DCLK1: variants seen among roughly 807,000 people sequenced by gnomAD.
The protein encoded by DCLK1 is serine/threonine-protein kinase DCLK1.
DCLK1 carries 16 observed loss-of-function variants against 86.2 expected under a neutral mutation model. That is an observed-to-expected ratio of 0.19 (90% CI 0.13 to 0.28). DCLK1 has a LOEUF of 0.28. Among genes scored for constraint, DCLK1 ranks in the 10% least tolerant of loss-of-function variants. The probability of loss-of-function intolerance (pLI) is 1.00; values close to 1 mark genes in which losing one functional copy is unlikely to be tolerated. For synonymous variants in DCLK1, 369 were observed against 370.5 expected, an observed-to-expected ratio of 1.00 and a Z score of 0.05; for missense variants, 590 against 940.2, an observed-to-expected ratio of 0.63 and a Z score of 4.87.
intron 3 of DCLK1, among the ~76,000 whole-genome samples, chr13:35,958,205 T>C: frequency 7.4e-5 from 3 of 40,468 alleles, no homozygotes; most frequent in African/African-American, 2.4e-4. Flanking sequence ...CCACCACCAT[T>C]ATAACCATCA....
chr13:36,069,789 A>G (rs561095255), intron 3 of DCLK1, among the ~76,000 whole-genome samples: 2 of 152,318 alleles, frequency 1.3e-5, no homozygotes, highest in African/African-American at 4.8e-5. Context: ...ATAGTACTCA[A>G]CTTGTTAGGT....
At chr13:36,104,217 A>G (rs1221781437) in intron 3 of DCLK1, among the ~76,000 whole-genome samples, 3 of 152,182 alleles carry the variant, frequency 2.0e-5, no homozygotes, top group Non-Finnish European at 4.4e-5. Context: ...ATGACCCGTA[A>G]GGACCTTGCT....
At chr13:35,855,968 G>A in intron 5 of DCLK1, 1 of 547,210 alleles carries the variant, frequency 1.8e-6, no homozygotes, top group Non-Finnish European at 2.3e-6. Context: ...ACACAATTCA[G>A]TGGCAAGGTA....
chr13:35,793,017 G>T (rs2086734527), intron 16 of DCLK1, among the ~76,000 whole-genome samples: 1 of 151,982 alleles, frequency 6.6e-6, no homozygotes, highest in Non-Finnish European at 1.5e-5. Flanking sequence ...TCCTTTCTAG[G>T]TCCTAGCAAA....
At chr13:35,939,130 C>T (rs1056736262) in intron 4 of DCLK1, among the ~76,000 whole-genome samples, 2 of 152,074 alleles carry the variant, frequency 1.3e-5, no homozygotes, top group Non-Finnish European at 2.9e-5. Context: ...TGATCGGGAA[C>T]GTCTCCAGAA....
intron 3 of DCLK1, among the ~76,000 whole-genome samples, chr13:36,108,885 A>G (rs900030642): frequency 1.3e-5 from 2 of 152,210 alleles, no homozygotes; most frequent in African/African-American, 4.8e-5. Context: ...AGGCAGGCCA[A>G]GATGGTAGCA....
intron 3 of DCLK1, among the ~76,000 whole-genome samples, chr13:36,111,433 C>A (rs1885615432): frequency 6.6e-6 from 1 of 152,152 alleles, no homozygotes; most frequent in African/African-American, 2.4e-5. Context: ...GTAAGTAAAT[C>A]TCACTAGCGA....
rs1231326471 is a variant in DCLK1, at chr13:35,840,944, G to A, written c.1036-1768C>T. Among the ~76,000 whole-genome samples the A allele has an allele frequency of 3.9e-5, 6 of 152,338 alleles. No homozygotes were observed. The East Asian group carries it at 1.2e-3, about 29-fold the overall frequency. On this transcript the variant is annotated intron_variant, in intron 6 of 16. Transcript: ENST00000360631. ...AAATAAACATAACCACATTTGAGGGGAAGGTGTGTGTTTTCCAGAACAGTG... is the reference window on the plus strand; with the variant it reads ...AAATAAACATAACCACATTTGAGGGAAAGGTGTGTGTTTTCCAGAACAGTG...
intron 3 of DCLK1, among the ~76,000 whole-genome samples, chr13:36,045,332 G>GTATATATA (rs1174545505): frequency 9.1e-4 from 51 of 55,760 alleles, no homozygotes; most frequent in African/African-American, 1.3e-3. Flanking sequence ...GTGTGTGTGT[G>GTATATATA]TATATATATA....
At chr13:36,015,686 C>T (rs182706696) in intron 3 of DCLK1, among the ~76,000 whole-genome samples, 3 of 152,248 alleles carry the variant, frequency 2.0e-5, no homozygotes, top group South Asian at 2.1e-4. Flanking sequence ...CCCATACTAC[C>T]AATCTAGGGC....
chr13:36,089,393 G>A (rs536155396), intron 3 of DCLK1, among the ~76,000 whole-genome samples: 1 of 152,182 alleles, frequency 6.6e-6, no homozygotes, highest in Non-Finnish European at 1.5e-5. Flanking sequence ...TGTGCTTTGT[G>A]CAGTTAATAT....
intron 4 of DCLK1, among the ~76,000 whole-genome samples, chr13:35,888,300 C>G (rs1367388930): frequency 6.6e-6 from 1 of 152,172 alleles, no homozygotes; most frequent in African/African-American, 2.4e-5. Flanking sequence ...CCCTCCTATT[C>G]CAAATGACAG....
chr13:35,918,096 C>T (rs1875543531), intron 4 of DCLK1, among the ~76,000 whole-genome samples: 1 of 152,170 alleles, frequency 6.6e-6, no homozygotes, highest in South Asian at 2.1e-4. Context: ...AAGATGTGAT[C>T]ATTTCAAGTG....
chr13:36,027,184 G>A lies in DCLK1; in HGVS notation c.724-79727C>T, dbSNP rs1882074427. Among the ~76,000 whole-genome samples the A allele has an allele frequency of 9.9e-5, 15 of 152,278 alleles. No individual in the cohort carries two copies. The South Asian group carries it at 3.1e-3, about 32-fold the overall frequency. ...GAAAGACAATTTTCCCACAGAAATG[G>A]GGGTGGGGTGATGGATGGTTTTGGG... On this transcript the variant is annotated intron_variant, in intron 3 of 16. Coordinates refer to ENST00000360631, the MANE Select transcript of DCLK1 (RefSeq NM_001330071.2).
At chr13:35,995,510 A>T (rs1322685049) in intron 3 of DCLK1, among the ~76,000 whole-genome samples, 1 of 152,192 alleles carries the variant, frequency 6.6e-6, no homozygotes, top group Non-Finnish European at 1.5e-5. Flanking sequence ...CTTTCATATA[A>T]ATGTTCCTTT....
intron 3 of DCLK1, among the ~76,000 whole-genome samples, chr13:36,060,464 C>A (rs1883499562): frequency 6.6e-6 from 1 of 152,008 alleles, no homozygotes; most frequent in Non-Finnish European, 1.5e-5. Context: ...TGTGAGTATG[C>A]AAATAGATGT....
At chr13:35,991,867 G>A (rs2153143923) in intron 3 of DCLK1, among the ~76,000 whole-genome samples, 1 of 152,190 alleles carries the variant, frequency 6.6e-6, no homozygotes, top group South Asian at 2.1e-4. Context: ...CATATGACAA[G>A]TTACTCATCT....
chr13:35,880,820 AG>A (rs1163547138), intron 4 of DCLK1, among the ~76,000 whole-genome samples: 1 of 152,196 alleles, frequency 6.6e-6, no homozygotes, highest in East Asian at 1.9e-4. Context: ...CCTTTTTGAA[AG>A]TAAAGCAGTT....
intron 4 of DCLK1, among the ~76,000 whole-genome samples, chr13:35,924,277 C>T (rs1039581565): frequency 3.3e-5 from 5 of 151,910 alleles, no homozygotes; most frequent in Non-Finnish European, 5.9e-5. Context: ...ATGGCTGTCT[C>T]AGAGCATCCA....
Sources: allele counts gnomAD v4.1 joint callset (sites outside exome capture counted in the v4.1 genomes callset), GRCh38; gene constraint gnomAD v4.1.1; transcripts MANE v1.5; gene names NCBI Gene and HGNC (gene_info 2026-07-23, HGNC 2026-07-21).